HEMK1: variants seen among roughly 807,000 people sequenced by gnomAD.
HEMK1 encodes HemK methyltransferase 1, mitochondrial release factors N(5)-glutamine.
A neutral mutation model predicts 47.9 loss-of-function variants in HEMK1; 36 were observed. That is an observed-to-expected ratio of 0.75 (90% CI 0.58 to 0.99). The LOEUF is 0.99. HEMK1 is among the 50% of genes least tolerant of loss of function. The probability of loss-of-function intolerance (pLI) is 0.00; values close to 1 mark genes in which losing one functional copy is unlikely to be tolerated. For synonymous variants in HEMK1, 153 were observed against 165.4 expected, an observed-to-expected ratio of 0.93 and a Z score of 0.57; for missense variants, 383 against 434.5, an observed-to-expected ratio of 0.88 and a Z score of 1.05.
rs2030960692 is a variant in HEMK1, at chr3:50,582,641, A to G, written c.*2224A>G. The G allele has an allele frequency of 6.6e-6, 1 of 152,268 alleles. No homozygotes were observed. 9.4% of individuals were successfully genotyped at this position (152,268 alleles called of 1,614,324 possible). A position where few individuals can be genotyped will look rare whatever the true frequency, so the allele number is the denominator to read the frequency against. ...TCCTTGCCTTCCTCGGAGGGCAGAC[A>G]CAGGGAGGAAGGACCCAGTGCCCTC... is the stretch of plus-strand genomic sequence containing the variant. On this transcript the variant is annotated 3_prime_UTR_variant, in exon 11 of 11. Coordinates refer to ENST00000232854, the MANE Select transcript of HEMK1 (RefSeq NM_016173.5).
chr3:50,569,309 C>G (rs1481147626), upstream of HEMK1: 1 of 152,356 alleles, frequency 6.6e-6, no homozygotes, highest in Non-Finnish European at 1.5e-5. Context: ...ACACACATCC[C>G]CGCACTTTCC....
Position 50,585,104 on chromosome 3 carries a change from T to C in HEMK1, c.*4687T>C, listed in dbSNP as rs1424595213. The C allele has an allele frequency of 1.3e-5, 2 of 152,042 alleles. No homozygotes were observed. The highest frequency in any genetic ancestry group is 4.8e-5 in the African/African-American group (2 of 41,356). The allele number at this position is 152,042 out of a possible 1,614,324, so 9.4% of individuals were successfully genotyped here. ...GTCCCAGAAGGGAGTGGGTGAGGAA[T>C]GGGACTGGGATGTGGGGAGAAAGTG... is the stretch of plus-strand genomic sequence containing the variant. On this transcript the variant is annotated 3_prime_UTR_variant, in exon 11 of 11. Transcript: ENST00000232854.
In HEMK1 at chr3:50,585,006, C is replaced by G. The variant is rs13321914; in HGVS notation, c.*4589C>G. 38 of 152,204 alleles carry G rather than the reference C, an allele frequency of 2.5e-4. No individual in the cohort carries two copies. The highest frequency in any genetic ancestry group is 8.2e-4 in the African/African-American group (34 of 41,434). 9.4% of individuals were successfully genotyped at this position (152,204 alleles called of 1,614,324 possible). A position where few individuals can be genotyped will look rare whatever the true frequency, so the allele number is the denominator to read the frequency against. On this transcript the variant is annotated 3_prime_UTR_variant, in exon 11 of 11. Coordinates refer to ENST00000232854, the MANE Select transcript of HEMK1 (RefSeq NM_016173.5). ...TCAGACCTAAACTGCCCAGGCCCCC[C>G]CTTTTTTTACTCATATTTGGAGAGA...
Position 50,572,584 on chromosome 3 carries a change from G to T in HEMK1, c.414+376G>T, listed in dbSNP as rs984351314. Among the ~76,000 whole-genome samples, 5 of 152,336 alleles carry T rather than the reference G, an allele frequency of 3.3e-5. No individual in the cohort carries two copies. In the South Asian group the frequency reaches 8.3e-4, roughly 25 times the overall value. ...TCAGGAGGCATGGAGGAAGTGGAGAGGGCTCCAGCCGGACACCTGGAGACC... is the reference window on the plus strand; with the variant it reads ...TCAGGAGGCATGGAGGAAGTGGAGATGGCTCCAGCCGGACACCTGGAGACC... On this transcript the variant is annotated intron_variant, in intron 4 of 10. Coordinates refer to ENST00000232854, the MANE Select transcript of HEMK1 (RefSeq NM_016173.5).
rs2031570541 is a variant in HEMK1 at position 50,588,964 on chromosome 3, T to A, written c.*8547T>A. The A allele has an allele frequency of 6.6e-6, 1 of 152,242 alleles. No homozygotes were observed. Among genetic ancestry groups the A allele is most frequent in the African/African-American group, 2.4e-5 (1 of 41,454 alleles). The allele number at this position is 152,242 out of a possible 1,614,324, so 9.4% of individuals were successfully genotyped here. A position where few individuals can be genotyped will look rare whatever the true frequency, so the allele number is the denominator to read the frequency against. Reference sequence around the variant, plus strand: ...CCGCCTGTCTCAGCCCCCCAGAACTTTGGAGCTCATTCTTTCAAAGTACAT... The same window carrying A: ...CCGCCTGTCTCAGCCCCCCAGAACTATGGAGCTCATTCTTTCAAAGTACAT... On this transcript the variant is annotated 3_prime_UTR_variant, in exon 11 of 11. Transcript: ENST00000232854.
chr3:50,576,227 C>T (rs1701578613), intron 4 of HEMK1, among the ~76,000 whole-genome samples: 1 of 152,234 alleles, frequency 6.6e-6, no homozygotes, highest in Non-Finnish European at 1.5e-5. Context: ...TGGGGACACA[C>T]CAGCTCCTGA....
intron 1 of HEMK1, 167 bp downstream of exon 1, chr3:50,569,741 C>T (rs1575873662): frequency 6.6e-6 from 1 of 152,400 alleles, no homozygotes; most frequent in Non-Finnish European, 1.5e-5. Context: ...GTTTACACTT[C>T]TGACTTCGGG....
Position 50,577,514 on chromosome 3 carries a change from A to C in HEMK1, c.555A>C (p.Arg185=). The C allele has an allele frequency of 6.2e-7, 1 of 1,614,016 alleles. No homozygotes were observed. The change falls in exon 6 of 11, where the codon CGA becomes CGC. Residue 185 remains arginine, a synonymous_variant. Coordinates refer to ENST00000232854, the MANE Select transcript of HEMK1 (RefSeq NM_016173.5). ...LSLLSQLPQS[R]VIAVDKREAA... is the part of the protein sequence containing the mutation. The stretch of plus-strand genomic sequence containing the variant: ...TCTGTTTGTTCTTGGGACAGAGCCG[A>C]GTCATTGCTGTGGATAAGCGGGAAG...
Position 50,592,027 on chromosome 3 carries a change from G to A in HEMK1, c.*11610G>A, listed in dbSNP as rs2107544813. On this transcript the variant is annotated 3_prime_UTR_variant, in exon 11 of 11. Transcript: ENST00000232854. ...GAGGCAGGAGAATGGCCTGAACCCG[G>A]GAGGCGGAGCTTGCCGTGAGCGGAG... 6.6e-6 allele frequency: 1 copy of A among 151,862 alleles called. No homozygotes were observed. The highest frequency in any genetic ancestry group is 1.5e-5 in the Non-Finnish European group (1 of 67,934). 9.4% of individuals were successfully genotyped at this position (151,862 alleles called of 1,614,324 possible).
At chr3:50,572,837 A>G (rs1244224402) in intron 4 of HEMK1, among the ~76,000 whole-genome samples, 1 of 152,204 alleles carries the variant, frequency 6.6e-6, no homozygotes, top group Non-Finnish European at 1.5e-5. Flanking sequence ...GACGCTTTAT[A>G]TGGCCCTTCT....
Position 50,580,592 on chromosome 3 carries a change from G to A in HEMK1, c.*175G>A. The A allele has an allele frequency of 1.5e-6, 1 of 663,116 alleles. No homozygotes were observed. Among genetic ancestry groups the A allele is most frequent in the South Asian group, 1.9e-5 (1 of 52,636 alleles). 41.1% of individuals were successfully genotyped at this position (663,116 alleles called of 1,614,324 possible). A position where few individuals can be genotyped will look rare whatever the true frequency, so the allele number is the denominator to read the frequency against. ...TGGATTGGCTCCATCACATCAGAGTGGCTGAGGGCAGTTGCTCTGTGTTGG... is the reference window on the plus strand; with the variant it reads ...TGGATTGGCTCCATCACATCAGAGTAGCTGAGGGCAGTTGCTCTGTGTTGG... On this transcript the variant is annotated 3_prime_UTR_variant, in exon 11 of 11. Coordinates refer to ENST00000232854, the MANE Select transcript of HEMK1 (RefSeq NM_016173.5).
At position 50,571,192 on chromosome 3, in the gene HEMK1, C is replaced by T. The variant is rs1283446741; in HGVS notation, c.88C>T (p.Gln30Ter). The T allele has an allele frequency of 6.2e-7, 1 of 1,613,774 alleles. No individual in the cohort carries two copies. Among genetic ancestry groups the T allele is most frequent in the Non-Finnish European group, 8.5e-7 (1 of 1,179,836 alleles). Residue 30 changes from glutamine (Q) to a stop codon, truncating the protein, a stop_gained, in exon 2 of 11, where the codon CAA (glutamine) becomes TAA (stop). Transcript: ENST00000232854. LOFTEE classifies it high-confidence loss of function. ...STRGWAFSSW[Q>*]PQPPLAGLSS... is the part of the protein sequence containing the mutation. Reference sequence around the variant, plus strand: ...CCGGGGCTGGGCCTTCAGCTCATGGCAACCCCAACCACCTCTGGCTGGGTT... The same window carrying T: ...CCGGGGCTGGGCCTTCAGCTCATGGTAACCCCAACCACCTCTGGCTGGGTT...
chr3:50,579,337 G>GC (rs933724578), intron 8 of HEMK1, among the ~76,000 whole-genome samples: 2 of 152,118 alleles, frequency 1.3e-5, no homozygotes, highest in African/African-American at 4.8e-5. Flanking sequence ...TCGCATGGGG[G>GC]CTCAGTGGGA....
Position 50,582,405 on chromosome 3 carries a change from G to A in HEMK1, c.*1988G>A, listed in dbSNP as rs1437155988. 2.0e-5 allele frequency: 3 copies of A among 152,222 alleles called. No individual in the cohort carries two copies. The highest frequency in any genetic ancestry group is 7.2e-5 in the African/African-American group (3 of 41,452). 9.4% of individuals were successfully genotyped at this position (152,222 alleles called of 1,614,324 possible). The stretch of plus-strand genomic sequence containing the variant: ...AGCCTGCAGCCACTGGCTTGATTGG[G>A]CCCTGGACGTTGAGCCCAGATGTTG... On this transcript the variant is annotated 3_prime_UTR_variant, in exon 11 of 11. Coordinates refer to ENST00000232854, the MANE Select transcript of HEMK1 (RefSeq NM_016173.5).
At position 50,585,934 on chromosome 3, in the gene HEMK1, A is replaced by G. The variant is rs1237887698; in HGVS notation, c.*5517A>G. The G allele has an allele frequency of 1.3e-5, 2 of 152,156 alleles. No individual in the cohort carries two copies. The highest frequency in any genetic ancestry group is 2.1e-4 in the South Asian group (1 of 4,826). The allele number at this position is 152,156 out of a possible 1,614,324, so 9.4% of individuals were successfully genotyped here. A position where few individuals can be genotyped will look rare whatever the true frequency, so the allele number is the denominator to read the frequency against. ...ATTAAGTCAATTAGGTGGTGCTCAT[A>G]TGGCTGTCCATGTAGCTACTAAACC... On this transcript the variant is annotated 3_prime_UTR_variant, in exon 11 of 11. Transcript: ENST00000232854.
At chr3:50,575,337 C>T (rs910237218) in intron 4 of HEMK1, among the ~76,000 whole-genome samples, 53 of 152,114 alleles carry the variant, frequency 3.5e-4, no homozygotes, top group African/African-American at 9.9e-4. Flanking sequence ...ACAGGCGAAT[C>T]GCTTGAACTT....
At position 50,571,696 on chromosome 3, in the gene HEMK1, C is replaced by T; in HGVS notation, c.229-14C>T. The T allele has an allele frequency of 6.2e-7, 1 of 1,613,520 alleles. No homozygotes were observed. The highest frequency in any genetic ancestry group is 8.5e-7 in the Non-Finnish European group (1 of 1,179,378). ...GCCCAGTGAGCCAGCCACTTATATT[C>T]TCTGTGGGGACAGTTTCAGAGCCTG... On this transcript the variant is annotated splice_polypyrimidine_tract_variant and intron_variant, in intron 2 of 10. Coordinates refer to ENST00000232854, the MANE Select transcript of HEMK1 (RefSeq NM_016173.5).
Position 50,580,574 on chromosome 3 carries a change from G to A in HEMK1, c.*157G>A. On this transcript the variant is annotated 3_prime_UTR_variant, in exon 11 of 11. Coordinates refer to ENST00000232854, the MANE Select transcript of HEMK1 (RefSeq NM_016173.5). ...GGATATTTCTAGGACACCTGGATTG[G>A]CTCCATCACATCAGAGTGGCTGAGG... 1.7e-5 allele frequency: 13 copies of A among 756,356 alleles called. No homozygotes were observed. The South Asian group carries it at 2.0e-4, about 11-fold the overall frequency. 46.9% of individuals were successfully genotyped at this position (756,356 alleles called of 1,614,324 possible).
rs949413127 is a variant in HEMK1 at position 50,586,383 on chromosome 3, C to T, written c.*5966C>T. The T allele has an allele frequency of 6.6e-6, 1 of 152,262 alleles. No individual in the cohort carries two copies. The highest frequency in any genetic ancestry group is 1.5e-5 in the Non-Finnish European group (1 of 68,060). 9.4% of individuals were successfully genotyped at this position (152,262 alleles called of 1,614,324 possible). On this transcript the variant is annotated 3_prime_UTR_variant, in exon 11 of 11. Transcript: ENST00000232854. The stretch of plus-strand genomic sequence containing the variant: ...AGCCTACCTCAGCTTCATGGAAAGC[C>T]CTGAACTGGGCTGACCTCCACCTGC...
Sources: allele counts gnomAD v4.1 joint callset (sites outside exome capture counted in the v4.1 genomes callset), GRCh38; gene constraint gnomAD v4.1.1; transcripts MANE v1.5; gene names NCBI Gene and HGNC (gene_info 2026-07-23, HGNC 2026-07-21).